The following USP35 variants were observed in gnomAD, a reference collection of about 807,000 sequenced individuals.
The protein encoded by USP35 is ubiquitin carboxyl-terminal hydrolase 35.
A neutral mutation model predicts 83.8 loss-of-function variants in USP35; 69 were observed. The ratio of observed to expected loss-of-function variants is 0.82; its 90% CI spans 0.68 to 1.01. The LOEUF (loss-of-function observed/expected upper bound fraction) is 1.01. USP35 is among the 50% of genes least tolerant of loss of function. The pLI, the probability that USP35 is intolerant of heterozygous loss-of-function variation, is 0.00. For synonymous variants in USP35, 714 were observed against 589.5 expected (o/e 1.21, Z -3.06); for missense variants, 1,503 against 1,362.5 (o/e 1.10, Z -1.62).
chr11:78,226,864 G>A, the USP35 span: 12 of 1,614,106 alleles, frequency 7.4e-6, no homozygotes, highest in South Asian at 6.6e-5. Flanking sequence ...GCCAGGCTGC[G>A]GGGGAGGTCG....
chr11:78,226,619 G>GGGGGGGGGGGGGGGGGGGGGCC, the USP35 span: 2 of 952,126 alleles, frequency 2.1e-6, no homozygotes, highest in African/African-American at 1.7e-5. Context: ...GGCGGGGTGG[G>GGGGGGGGGGGGGGGGGGGGGCC]GGAGCTATGG....
chr11:78,209,607 C>G lies in USP35; in HGVS notation c.1752C>G (p.Leu584=), dbSNP rs766703210. 3.1e-6 allele frequency: 5 copies of G among 1,614,146 alleles called. No homozygotes were observed. Among genetic ancestry groups the G allele is most frequent in the Middle Eastern group, 1.6e-4 (1 of 6,062 alleles). ...CTCGGATCTGCTGTCTCTGCTGCCT[C>G]AACGTCTCCTCCCGGGAGGAGGCCT... ...IVTRICCLCC[L]NVSSREEAFT... Residue 584 remains leucine, a synonymous_variant, in exon 10 of 11, where the codon CTC becomes CTG. Transcript: ENST00000529308.
chr11:78,220,365 TAATC>T, the USP35 span: 2 of 1,613,126 alleles, frequency 1.2e-6, no homozygotes, highest in Non-Finnish European at 1.7e-6. Context: ...CAGGGCCAGA[TAATC>T]AACGCTGCCG....
At chr11:78,222,676 G>A in the USP35 span, among the ~76,000 whole-genome samples, 1 of 152,002 alleles carries the variant, frequency 6.6e-6, no homozygotes, top group African/African-American at 2.4e-5. Flanking sequence ...TCTGCCTCCT[G>A]AGTTCAAGTG....
downstream of USP35, chr11:78,219,074 T>C: frequency 1.8e-6 from 1 of 548,458 alleles, no homozygotes; most frequent in Non-Finnish European, 3.2e-6. Flanking sequence ...GGGCCCCGAG[T>C]GGGCAGAGGA....
chr11:78,190,190 T>C (rs1026534064), intron 1 of USP35, among the ~76,000 whole-genome samples: 2 of 152,210 alleles, frequency 1.3e-5, no homozygotes, highest in Admixed American at 6.5e-5. Context: ...TCTCAGGTCC[T>C]AGGAGATTCT....
In USP35 at chr11:78,209,724, C is replaced by A; in HGVS notation, c.1869C>A (p.Ala623=). 1.9e-6 allele frequency: 3 copies of A among 1,614,050 alleles called. No homozygotes were observed. The highest frequency in any genetic ancestry group is 2.7e-5 in the African/African-American group (2 of 75,006). Residue 623 remains alanine, a synonymous_variant, in exon 10 of 11, where the codon GCC becomes GCA. Transcript: ENST00000529308. Reference sequence around the variant, plus strand: ...TGCGCCCCACAGAAGACATCACAGCCCGGGAGTTGCCCCCACCAACCAGTG... The same window carrying A: ...TGCGCCCCACAGAAGACATCACAGCACGGGAGTTGCCCCCACCAACCAGTG... The part of the protein sequence containing the change: ...SVMRPTEDIT[A]RELPPPTSAQ...
chr11:78,197,446 A>G (rs1029654460), intron 2 of USP35, among the ~76,000 whole-genome samples: 8 of 152,178 alleles, frequency 5.3e-5, no homozygotes, highest in African/African-American at 1.7e-4. Flanking sequence ...AGTGGAACTT[A>G]GACTACAGTG....
chr11:78,191,829 C>T (rs1320166923), intron 1 of USP35, among the ~76,000 whole-genome samples: 3 of 151,752 alleles, frequency 2.0e-5, no homozygotes, highest in Non-Finnish European at 4.4e-5. Context: ...CTCATGACAG[C>T]CCGGCCCTCA....
chr11:78,215,692 A>ATCTC (rs1174734992), downstream of USP35: 1 of 152,320 alleles, frequency 6.6e-6, no homozygotes, highest in Non-Finnish European at 1.5e-5. Flanking sequence ...GACAGCCTGG[A>ATCTC]TCTCTTGGGG....
rs1327839947 is a variant in USP35, at chr11:78,196,294, G to A, written c.49G>A (p.Val17Met). 3.1e-6 allele frequency: 5 copies of A among 1,594,856 alleles called. No homozygotes were observed. Among genetic ancestry groups the A allele is most frequent in the Admixed American group, 3.3e-5 (2 of 59,802 alleles). The change falls in exon 2 of 11, where the codon GTG becomes ATG. Residue 17 changes from valine to methionine, a missense_variant. Coordinates refer to ENST00000529308, the MANE Select transcript of USP35 (RefSeq NM_020798.4). This position sits in a 1 kb window ranked among gnomAD's most constrained non-coding sequence, Gnocchi z 4.8. ...AVVTSSYPVSVKQGLVRRVLE... is the reference protein window; with the variant it reads ...AVVTSSYPVSMKQGLVRRVLE... ...GGTGACGTCGTCATACCCGGTCAGCGTGAAGCAGGGGCTGGTTCGGCGCGT... is the reference window on the plus strand; with the variant it reads ...GGTGACGTCGTCATACCCGGTCAGCATGAAGCAGGGGCTGGTTCGGCGCGT...
chr11:78,206,065 C>T lies in USP35; in HGVS notation c.1391+30C>T, dbSNP rs755999872. 28 of 1,595,378 alleles carry T rather than the reference C, an allele frequency of 1.8e-5. No individual in the cohort carries two copies. In the South Asian group the frequency reaches 3.0e-4, roughly 17 times the overall value. ...GTGCTGCTTTGGAATTCCCTGTCTG[C>T]CCTTGCTTCTCTCCTCTGGGCTCCC... On this transcript the variant is annotated intron_variant, in intron 7 of 10. Transcript: ENST00000529308.
intron 7 of USP35, among the ~76,000 whole-genome samples, chr11:78,206,315 T>C (rs1172131976): frequency 2.6e-5 from 4 of 152,060 alleles, no homozygotes; most frequent in Non-Finnish European, 5.9e-5. Context: ...TCTTCTAGAG[T>C]CTGTGGGGGT....
At chr11:78,211,670 A>G (rs1481887129) in intron 10 of USP35, among the ~76,000 whole-genome samples, 1 of 152,120 alleles carries the variant, frequency 6.6e-6, no homozygotes, top group Non-Finnish European at 1.5e-5. Context: ...ATGGTATCTC[A>G]TTGTGGTTTT....
chr11:78,205,815 C>T (rs374796323), intron 6 of USP35, 27 bp from the exon 7 acceptor site: 1 of 1,588,346 alleles, frequency 6.3e-7, no homozygotes, highest in Admixed American at 1.7e-5. Context: ...GCCCACCATC[C>T]TGCCTGCCTG....
chr11:78,210,844 T>C, intron 10 of USP35, 100 bp downstream of exon 10: 2 of 1,274,316 alleles, frequency 1.6e-6, no homozygotes, highest in Non-Finnish European at 2.1e-6. Context: ...GTCTTTTTTG[T>C]AAATCCCATT....
the USP35 span, chr11:78,226,480 T>C: frequency 6.2e-7 from 1 of 1,613,242 alleles, no homozygotes; most frequent in Middle Eastern, 1.7e-4. Flanking sequence ...TGAAGTCGGC[T>C]GTTGTCCATT....
chr11:78,196,459 C>T lies in USP35; in HGVS notation c.214C>T (p.His72Tyr). The T allele has an allele frequency of 8.0e-7, 1 of 1,254,104 alleles. No individual in the cohort carries two copies. Among genetic ancestry groups the T allele is most frequent in the Non-Finnish European group, 1.0e-6 (1 of 999,030 alleles). 77.7% of individuals were successfully genotyped at this position (1,254,104 alleles called of 1,614,324 possible). A position where few individuals can be genotyped will look rare whatever the true frequency, so the allele number is the denominator to read the frequency against. ...GCTGCTGCACGTGGCCGGCCGCCACCACCCCGACGTCTTCGCCGAGTTCTT... is the reference window on the plus strand; with the variant it reads ...GCTGCTGCACGTGGCCGGCCGCCACTACCCCGACGTCTTCGCCGAGTTCTT... ...CQLLHVAGRH[H>Y]PDVFAEFFSA... Residue 72 changes from histidine to tyrosine, a missense_variant, in exon 2 of 11, where the codon CAC (histidine) becomes TAC (tyrosine). His to Tyr is a moderately conservative substitution (Grantham distance 83). Transcript: ENST00000529308. The surrounding 1 kb of genome is among the most constrained non-coding windows in gnomAD (Gnocchi z 4.8).
At position 78,209,454 on chromosome 11, in the gene USP35, C is replaced by G. The variant is rs112274930; in HGVS notation, c.1599C>G (p.His533Gln). ...TCTGTGCTCTCTGCCCCAGGCTGCA[C>G]GAAGAGGAGAAAACGGGCACAAGGA... ...EYLKYLLDRL[H>Q]EEEKTGTRIC... Residue 533 changes from histidine (H) to glutamine (Q), a missense_variant, in exon 10 of 11, where the codon CAC becomes CAG. Physicochemically the swap from His to Gln is conservative, Grantham distance 24. Coordinates refer to ENST00000529308, the MANE Select transcript of USP35 (RefSeq NM_020798.4). 2 of 1,600,694 alleles carry G rather than the reference C, an allele frequency of 1.2e-6. No individual in the cohort carries two copies. The highest frequency in any genetic ancestry group is 1.7e-6 in the Non-Finnish European group (2 of 1,172,300).
Sources: gnomAD v4.1 joint callset for allele counts (sites outside exome capture counted in the v4.1 genomes callset) on GRCh38, gnomAD v4.1.1 for gene constraint, Gnocchi (gnomAD v3.1) non-coding constraint, MANE v1.5 for transcripts, NCBI Gene and HGNC (gene_info 2026-07-23, HGNC 2026-07-21) for gene names.